The following LEPR variants were observed in gnomAD, a reference collection of about 807,000 sequenced individuals.
LEPR encodes OB receptor.
Under a neutral mutation model 114.7 loss-of-function variants are expected in LEPR, and 56 were observed. That is an observed-to-expected ratio of 0.49 (90% CI 0.39 to 0.61). The LOEUF is 0.61. Among genes scored for constraint, LEPR ranks in the 20% least tolerant of loss-of-function variants. The probability of loss-of-function intolerance (pLI) is 0.00; values close to 1 mark genes in which losing one functional copy is unlikely to be tolerated. For missense variants in LEPR, 1,202 were observed against 1,352.9 expected (o/e 0.89, Z 1.75); for synonymous variants, 443 against 461.4 (o/e 0.96, Z 0.51).
intron 2 of LEPR, among the ~76,000 whole-genome samples, chr1:65,485,784 C>T (rs1189973783): frequency 1.3e-5 from 2 of 152,044 alleles, no homozygotes; most frequent in Non-Finnish European, 2.9e-5. Context: ...CTTTTGGAGC[C>T]ATTGTGGGTC....
chr1:65,533,371 G>T (rs1307217289), intron 2 of LEPR, among the ~76,000 whole-genome samples: 4 of 152,076 alleles, frequency 2.6e-5, no homozygotes, highest in African/African-American at 9.7e-5. Flanking sequence ...TATATGGAAA[G>T]TCAAAACCCA....
chr1:65,598,326 TG>T (rs912342692), intron 7 of LEPR, among the ~76,000 whole-genome samples: 1 of 152,000 alleles, frequency 6.6e-6, no homozygotes, highest in African/African-American at 2.4e-5. Context: ...ACCAGGTGTG[TG>T]TTATAGGTGT....
At chr1:65,506,146 G>A (rs748790577) in intron 2 of LEPR, among the ~76,000 whole-genome samples, 1 of 152,058 alleles carries the variant, frequency 6.6e-6, no homozygotes, top group Non-Finnish European at 1.5e-5. Flanking sequence ...AACATTAAGG[G>A]GATTCAGCTA....
intron 2 of LEPR, among the ~76,000 whole-genome samples, chr1:65,515,513 T>G (rs1201881663): frequency 6.6e-6 from 1 of 152,214 alleles, no homozygotes; most frequent in African/African-American, 2.4e-5. Flanking sequence ...TACAGTTTTA[T>G]TTTTACTTTT....
intron 2 of LEPR, among the ~76,000 whole-genome samples, chr1:65,458,349 A>G (rs114403972): frequency 0.11 from 16,847 of 152,066 alleles, 1,176 homozygotes; most frequent in Non-Finnish European, 0.16. Context: ...AACTCTTGAC[A>G]TTTCTTTCAA....
chr1:65,564,098 G>T (rs1397994341), intron 2 of LEPR, among the ~76,000 whole-genome samples: 7 of 145,928 alleles, frequency 4.8e-5, no homozygotes, highest in African/African-American at 1.3e-4. Context: ...GGAGCTTCCC[G>T]CTGCTTTGTT....
chr1:65,621,241 G>C (rs1421079694), intron 17 of LEPR, 112 bp from the exon 18 acceptor site: 2 of 815,450 alleles, frequency 2.5e-6, no homozygotes, highest in Non-Finnish European at 4.0e-6. Context: ...ATTTTTGAAG[G>C]TAATAAGAGA....
At chr1:65,552,378 G>A (rs993187435) in intron 2 of LEPR, among the ~76,000 whole-genome samples, 5 of 152,076 alleles carry the variant, frequency 3.3e-5, no homozygotes, top group Non-Finnish European at 5.9e-5. Context: ...TGCTTTATGA[G>A]TCTGGGTGCT....
chr1:65,456,989 T>C lies in LEPR; in HGVS notation c.-21+31611T>C, dbSNP rs115185747. Among the ~76,000 whole-genome samples the C allele has an allele frequency of 5.0e-3, 763 of 152,324 alleles. 8 individuals are homozygous for C. The highest frequency in any genetic ancestry group is 0.018 in the African/African-American group (735 of 41,574). Reference sequence around the variant, plus strand: ...TCCATATCTATTGTATCTGTTTATTTAAACATTTTTTAGTGTTTGCCCTAA... The same window carrying C: ...TCCATATCTATTGTATCTGTTTATTCAAACATTTTTTAGTGTTTGCCCTAA... On this transcript the variant is annotated intron_variant, in intron 2 of 19. Transcript: ENST00000349533.
chr1:65,536,510 G>T (rs1399209898), intron 2 of LEPR, among the ~76,000 whole-genome samples: 1 of 151,986 alleles, frequency 6.6e-6, no homozygotes, highest in Non-Finnish European at 1.5e-5. Context: ...TCAGTAAAAA[G>T]AAAAAGCTCT....
At chr1:65,450,531 G>GT (rs1204123907) in intron 2 of LEPR, among the ~76,000 whole-genome samples, 7 of 142,442 alleles carry the variant, frequency 4.9e-5, no homozygotes, top group African/African-American at 1.9e-4. Context: ...GCAGTGTTTG[G>GT]TTTTTTGTTC....
rs770992586 is a variant in LEPR at position 65,592,835 on chromosome 1, C to T, written c.673C>T (p.Pro225Ser). Residue 225 changes from proline (P) to serine (S), a missense_variant, in exon 6 of 20, where the codon CCT becomes TCT. Pro to Ser is a moderately conservative substitution (Grantham distance 74). Transcript: ENST00000349533. ...ITSGGVIFQSPLMSVQPINMV... is the reference protein window; with the variant it reads ...ITSGGVIFQSSLMSVQPINMV... ...ATCTGGTGGAGTAATTTTCCAGTCACCTCTAATGTCAGTTCAGCCCATAAA... is the reference window on the plus strand; with the variant it reads ...ATCTGGTGGAGTAATTTTCCAGTCATCTCTAATGTCAGTTCAGCCCATAAA... The T allele has an allele frequency of 6.2e-7, 1 of 1,613,124 alleles. No homozygotes were observed. The highest frequency in any genetic ancestry group is 8.5e-7 in the Non-Finnish European group (1 of 1,179,332).
chr1:65,572,457 C>A lies in LEPR; in HGVS notation c.494+8C>A, dbSNP rs1347409339. The A allele has an allele frequency of 2.5e-6, 4 of 1,587,160 alleles. No individual in the cohort carries two copies. Among genetic ancestry groups the A allele is most frequent in the East Asian group, 2.2e-5 (1 of 44,646 alleles). On this transcript the variant is annotated splice_region_variant and intron_variant, in intron 5 of 19. Coordinates refer to ENST00000349533, the MANE Select transcript of LEPR (RefSeq NM_002303.6). ...CCATCTTTTATATGTTCTGTAAGTA[C>A]CAAATAATTAATTTGGCATTTCTAA...
chr1:65,528,671 CATT>C (rs1570616739), intron 2 of LEPR, among the ~76,000 whole-genome samples: 1 of 151,910 alleles, frequency 6.6e-6, no homozygotes, highest in East Asian at 1.9e-4. Flanking sequence ...TATGATAAAT[CATT>C]ATAATAATTG....
intron 2 of LEPR, among the ~76,000 whole-genome samples, chr1:65,518,917 C>CTTTCTTTCTTTCTT (rs752472210): frequency 1.1e-3 from 84 of 75,752 alleles, no homozygotes; most frequent in South Asian, 2.3e-3. Context: ...TTCTTTCTTT[C>CTTTCTTTCTTTCTT]TCTCTTTCTC....
intron 19 of LEPR, chr1:65,634,328 A>C: frequency 1.0e-6 from 1 of 982,342 alleles, no homozygotes; most frequent in Non-Finnish European, 1.2e-6. Flanking sequence ...TCCCTTCTTG[A>C]CTTCTAATAG....
chr1:65,473,036 G>C (rs1263402670), intron 2 of LEPR, among the ~76,000 whole-genome samples: 1 of 152,180 alleles, frequency 6.6e-6, no homozygotes, highest in Non-Finnish European at 1.5e-5. Context: ...TTATCTTTCT[G>C]ACAGGTGCCA....
At position 65,618,049 on chromosome 1, in the gene LEPR, G is replaced by A. The variant is rs147122929; in HGVS notation, c.2298G>A (p.Lys766=). The change falls in exon 16 of 20, where the codon AAG becomes AAA. Residue 766 remains lysine, a synonymous_variant. Coordinates refer to ENST00000349533, the MANE Select transcript of LEPR (RefSeq NM_002303.6). ...GGATACTATCACCCAGTGATTACAA[G>A]CTAATGTATTTTATTATTGAGTGGA... ...VSWILSPSDY[K]LMYFIIEWKN... is the part of the protein sequence containing the mutation. The A allele has an allele frequency of 8.1e-6, 13 of 1,612,832 alleles. No individual in the cohort carries two copies. The highest frequency in any genetic ancestry group is 1.1e-5 in the Non-Finnish European group (13 of 1,179,470).
chr1:65,514,456 T>C (rs1455190685), intron 2 of LEPR, among the ~76,000 whole-genome samples: 1 of 152,188 alleles, frequency 6.6e-6, no homozygotes, highest in Non-Finnish European at 1.5e-5. Context: ...GCTGTTTTCC[T>C]CCCAATTATT....
Sources: gnomAD v4.1 joint callset for allele counts (sites outside exome capture counted in the v4.1 genomes callset) on GRCh38, gnomAD v4.1.1 for gene constraint, MANE v1.5 for transcripts, NCBI Gene and HGNC (gene_info 2026-07-23, HGNC 2026-07-21) for gene names.